The following DUSP2 variants were observed in gnomAD, a reference collection of about 807,000 sequenced individuals.
DUSP2 encodes the protein dual specificity phosphatase 2.
DUSP2 carries 20 observed loss-of-function variants against 23.3 expected under a neutral mutation model. That is an observed-to-expected ratio of 0.86 (90% CI 0.60 to 1.25). The LOEUF is 1.25. Ranked by LOEUF, DUSP2 falls within the 50% of genes most tolerant of loss-of-function variation. DUSP2 has a pLI of 0.00. For missense variants in DUSP2, 435 were observed against 452.6 expected, an observed-to-expected ratio of 0.96 and a Z score of 0.35; for synonymous variants, 231 against 209.7, an observed-to-expected ratio of 1.10 and a Z score of -0.88.
rs1478674718 is a variant in DUSP2 at position 96,145,045 on chromosome 2, C to G, written c.310G>C (p.Asp104His). ...GSASVAELRP[D>H]SPAHVLLAAL... ...GCCAGCAGCACATGAGCCGGGCTGTCGGGCCGGAGCTCCGCCACCGAGGCA... is the reference window on the plus strand; with the variant it reads ...GCCAGCAGCACATGAGCCGGGCTGTGGGGCCGGAGCTCCGCCACCGAGGCA... The change falls in exon 1 of 4, where the codon GAC becomes CAC. Residue 104 changes from aspartate (D) to histidine (H), a missense_variant. Transcript: ENST00000288943. The G allele has an allele frequency of 6.5e-7, 1 of 1,527,678 alleles. No individual in the cohort carries two copies. Among genetic ancestry groups the G allele is most frequent in the Non-Finnish European group, 8.7e-7 (1 of 1,143,300 alleles). 94.6% of individuals were successfully genotyped at this position (1,527,678 alleles called of 1,614,324 possible).
chr2:96,144,954 CCGGCTTG>C lies in DUSP2; in HGVS notation c.388+6_388+12del, dbSNP rs1222144002. The C allele has an allele frequency of 6.5e-7, 1 of 1,546,274 alleles. No individual in the cohort carries two copies. The highest frequency in any genetic ancestry group is 2.0e-5 in the Admixed American group (1 of 50,866). ...GTCGGGTGGGGCGGGCCAAGGGCGG[CCGGCTTG>C]CTCACCTCGCAGGAAGTACACGGCA... On this transcript the variant is annotated splice_donor_region_variant and intron_variant, in intron 1 of 3. Coordinates refer to ENST00000288943, the MANE Select transcript of DUSP2 (RefSeq NM_004418.4).
chr2:96,143,799 G>GC lies in DUSP2; in HGVS notation c.*23dup. Reference sequence around the variant, plus strand: ...AGTCAGCTCCTGCCAGCACAGTGGGGCAGGCAGGCAGAGGGGCACCACCTC... The same window carrying GC: ...AGTCAGCTCCTGCCAGCACAGTGGGGCCAGGCAGGCAGAGGGGCACCACCTC... On this transcript the variant is annotated 3_prime_UTR_variant, in exon 4 of 4. Coordinates refer to ENST00000288943, the MANE Select transcript of DUSP2 (RefSeq NM_004418.4). The GC allele has an allele frequency of 1.9e-6, 3 of 1,609,234 alleles. No homozygotes were observed. Among genetic ancestry groups the GC allele is most frequent in the Non-Finnish European group, 2.5e-6 (3 of 1,178,124 alleles).
Position 96,143,878 on chromosome 2 carries a change from T to A in DUSP2, c.890A>T (p.Asn297Ile). The part of the protein sequence containing the change: ...VKQRRGVISP[N>I]FSFMGQLLQF... ...CAGCAGCTGCCCCATGAAACTGAAGTTGGGGGAGATGACCCCCCGGCGCTG... is the reference window on the plus strand; with the variant it reads ...CAGCAGCTGCCCCATGAAACTGAAGATGGGGGAGATGACCCCCCGGCGCTG... The change falls in exon 4 of 4, where the codon AAC becomes ATC. Residue 297 changes from asparagine to isoleucine, a missense_variant. Coordinates refer to ENST00000288943, the MANE Select transcript of DUSP2 (RefSeq NM_004418.4). 1 of 1,613,610 alleles carries A rather than the reference T, an allele frequency of 6.2e-7. No homozygotes were observed. The highest frequency in any genetic ancestry group is 8.5e-7 in the Non-Finnish European group (1 of 1,180,004).
In DUSP2 at chr2:96,144,515, G is replaced by A. The variant is rs957551028; in HGVS notation, c.511-142C>T. 6 of 827,896 alleles carry A rather than the reference G, an allele frequency of 7.2e-6. No homozygotes were observed. The Admixed American group carries it at 1.4e-4, about 19-fold the overall frequency. 51.3% of individuals were successfully genotyped at this position (827,896 alleles called of 1,614,324 possible). On this transcript the variant is annotated intron_variant, in intron 2 of 3. Transcript: ENST00000288943. ...CTGACCTGAGACAGGTCTCAGGAAT[G>A]TGCGGAGGACACACCGGGACATACA...
At position 96,144,893 on chromosome 2, in the gene DUSP2, G is replaced by A; in HGVS notation, c.389-11C>T. The A allele has an allele frequency of 6.5e-7, 1 of 1,549,246 alleles. No individual in the cohort carries two copies. Among genetic ancestry groups the A allele is most frequent in the Non-Finnish European group, 8.7e-7 (1 of 1,146,056 alleles). ...AGCCGTCGAAGCCTCCTGCAAGGAG[G>A]GGAAGAGCACGATCAGCAGGGAAAG... On this transcript the variant is annotated splice_polypyrimidine_tract_variant and intron_variant, in intron 1 of 3. Transcript: ENST00000288943.
At chr2:96,144,504 GTC>G in intron 2 of DUSP2, 131 bp from the exon 3 acceptor site, 2 of 900,316 alleles carry the variant, frequency 2.2e-6, no homozygotes, top group Non-Finnish European at 3.4e-6. Flanking sequence ...CCTGAGACAG[GTC>G]TCAGGAATGT....
intron 2 of DUSP2, 183 bp from the exon 3 acceptor site, chr2:96,144,556 C>G: frequency 1.4e-6 from 1 of 729,824 alleles, no homozygotes; most frequent in Non-Finnish European, 2.2e-6. Flanking sequence ...CTTCATGCTC[C>G]CAACATACAC....
rs933453282 is a variant in DUSP2 at position 96,145,244 on chromosome 2, G to A, written c.111C>T (p.Ala37=). The A allele has an allele frequency of 4.7e-6, 6 of 1,283,560 alleles. No individual in the cohort carries two copies. Among genetic ancestry groups the A allele is most frequent in the African/African-American group, 1.5e-5 (1 of 64,580 alleles). The allele number at this position is 1,283,560 out of a possible 1,614,324, so 79.5% of individuals were successfully genotyped here. The change falls in exon 1 of 4, where the codon GCC becomes GCT. Residue 37 remains alanine (A), a synonymous_variant. Transcript: ENST00000288943. ...TLLLDCRPFL[A]FCRRHVRAAR... ...CGGCGCGCACGTGGCGCCGGCAGAA[G>A]GCCAGGAAGGGGCGGCAGTCCAGCA...
Position 96,143,485 on chromosome 2 carries a change from T to G in DUSP2, c.*338A>C, listed in dbSNP as rs1682440518. On this transcript the variant is annotated 3_prime_UTR_variant, in exon 4 of 4. Coordinates refer to ENST00000288943, the MANE Select transcript of DUSP2 (RefSeq NM_004418.4). ...TGTCACAGCTTGTTCCTTGGAGCTC[T>G]CAGGCTGCCAAGGGCTTCAACATGG... 3 of 245,556 alleles carry G rather than the reference T, an allele frequency of 1.2e-5. No individual in the cohort carries two copies. 15.2% of individuals were successfully genotyped at this position (245,556 alleles called of 1,614,324 possible). A position where few individuals can be genotyped will look rare whatever the true frequency, so the allele number is the denominator to read the frequency against.
In DUSP2 at chr2:96,145,166, A is replaced by C; in HGVS notation, c.189T>G (p.Pro63=). Reference sequence around the variant, plus strand: ...GCAGCAGGCAGGCGAGAACGGCGGCAGGAGGGCCGCGCGCGCGGCGCCGCA... The same window carrying C: ...GCAGCAGGCAGGCGAGAACGGCGGCCGGAGGGCCGCGCGCGCGGCGCCGCA... ...ALLRRRARGP[P]AAVLACLLPD... Residue 63 remains proline, a synonymous_variant, in exon 1 of 4, where the codon CCT becomes CCG. Transcript: ENST00000288943. The C allele has an allele frequency of 7.7e-7, 1 of 1,298,456 alleles. No individual in the cohort carries two copies. The highest frequency in any genetic ancestry group is 2.3e-5 in the South Asian group (1 of 42,792). 80.4% of individuals were successfully genotyped at this position (1,298,456 alleles called of 1,614,324 possible).
Position 96,144,202 on chromosome 2 carries a change from G to C in DUSP2, c.682C>G (p.Gln228Glu). 6.2e-7 allele frequency: 1 copy of C among 1,614,154 alleles called. No homozygotes were observed. Among genetic ancestry groups the C allele is most frequent in the Non-Finnish European group, 8.5e-7 (1 of 1,180,040 alleles). ...RYKSIPVEDN[Q>E]MVEISAWFQE... Reference sequence around the variant, plus strand: ...AACCAGGCACTGATCTCCACCATCTGGTTGTCCTCCACAGGGATACTCTTG... The same window carrying C: ...AACCAGGCACTGATCTCCACCATCTCGTTGTCCTCCACAGGGATACTCTTG... Residue 228 changes from glutamine to glutamate, a missense_variant, in exon 3 of 4, where the codon CAG becomes GAG. Gln to Glu is a conservative substitution (Grantham distance 29, BLOSUM62 2). Coordinates refer to ENST00000288943, the MANE Select transcript of DUSP2 (RefSeq NM_004418.4).
At chr2:96,144,598 C>T (rs1682468553) in intron 2 of DUSP2, 163 bp downstream of exon 2, 1 of 758,162 alleles carries the variant, frequency 1.3e-6, no homozygotes, top group Non-Finnish European at 2.1e-6. Flanking sequence ...TACAGGCACG[C>T]GCGAGCAGCC....
chr2:96,144,029 T>C lies in DUSP2; in HGVS notation c.739A>G (p.Lys247Glu), dbSNP rs535465705. Residue 247 changes from lysine to glutamate, a missense_variant, in exon 4 of 4, where the codon AAG becomes GAG. Coordinates refer to ENST00000288943, the MANE Select transcript of DUSP2 (RefSeq NM_004418.4). ...ACCAGCACCCGGCCTCCGCTGTTCT[T>C]CACCCAGTCTGCAAGGGAGATGGGG... Reference protein sequence around the residue: ...QEAIGFIDWVKNSGGRVLVHC... With the variant: ...QEAIGFIDWVENSGGRVLVHC... 6.2e-7 allele frequency: 1 copy of C among 1,613,746 alleles called. No individual in the cohort carries two copies. Among genetic ancestry groups the C allele is most frequent in the African/African-American group, 1.3e-5 (1 of 75,064 alleles).
chr2:96,144,705 C>T lies in DUSP2; in HGVS notation c.510+56G>A. 7 of 1,449,864 alleles carry T rather than the reference C, an allele frequency of 4.8e-6. 1 individual carries two copies. The highest frequency in any genetic ancestry group is 4.1e-5 in the South Asian group (3 of 73,030). 89.8% of individuals were successfully genotyped at this position (1,449,864 alleles called of 1,614,324 possible). ...AAATGGCAGGCTCTTTCCCTAGAGGCGCCCAGTCCGCGGCGGGGAGAGAGG... is the reference window on the plus strand; with the variant it reads ...AAATGGCAGGCTCTTTCCCTAGAGGTGCCCAGTCCGCGGCGGGGAGAGAGG... On this transcript the variant is annotated intron_variant, in intron 2 of 3. Transcript: ENST00000288943.
rs1682455940 is a variant in DUSP2, at chr2:96,144,147, C to T, written c.730+7G>A. 6.2e-7 allele frequency: 1 copy of T among 1,613,830 alleles called. No individual in the cohort carries two copies. The highest frequency in any genetic ancestry group is 8.5e-7 in the Non-Finnish European group (1 of 1,179,984). On this transcript the variant is annotated splice_region_variant and intron_variant, in intron 3 of 3. Coordinates refer to ENST00000288943, the MANE Select transcript of DUSP2 (RefSeq NM_004418.4). ...CTCGGGATTTCTGGGCAGAGGTGCC[C>T]CCTTACCAATGAAGCCTATGGCCTC...
chr2:96,144,974 G>T lies in DUSP2; in HGVS notation c.381C>A (p.Phe127Leu), dbSNP rs1161316315. 1 of 1,545,872 alleles carries T rather than the reference G, an allele frequency of 6.5e-7. No homozygotes were observed. The highest frequency in any genetic ancestry group is 2.4e-5 in the East Asian group (1 of 41,666). Reference sequence around the variant, plus strand: ...GGCGGCCGGCTTGCTCACCTCGCAGGAAGTACACGGCAGTGGGCCCCGCGC... The same window carrying T: ...GGCGGCCGGCTTGCTCACCTCGCAGTAAGTACACGGCAGTGGGCCCCGCGC... ...ETRAGPTAVY[F>L]LRGGFDGFQG... Residue 127 changes from phenylalanine to leucine, a missense_variant, in exon 1 of 4, where the codon TTC becomes TTA. By Grantham distance (22) the Phe-to-Leu change is conservative. Transcript: ENST00000288943.
chr2:96,144,572 A>G, intron 2 of DUSP2, 189 bp downstream of exon 2: 1 of 718,900 alleles, frequency 1.4e-6, no homozygotes, highest in Middle Eastern at 3.8e-4. Context: ...TACACATGCA[A>G]ACATACACAG....
chr2:96,144,482 C>G, intron 2 of DUSP2, 109 bp from the exon 3 acceptor site: 1 of 1,084,142 alleles, frequency 9.2e-7, no homozygotes, highest in South Asian at 1.5e-5. Flanking sequence ...ACTCCTCAGC[C>G]AGTCCTCCTG....
Position 96,143,763 on chromosome 2 carries a change from CACCAGTCCA to C in DUSP2, c.*51_*59del. On this transcript the variant is annotated 3_prime_UTR_variant, in exon 4 of 4. Coordinates refer to ENST00000288943, the MANE Select transcript of DUSP2 (RefSeq NM_004418.4). The stretch of plus-strand genomic sequence containing the variant: ...GACTGTGCTGGCCCAGAGGGGAGCC[CACCAGTCCA>C]CAGTCAGCTCCTGCCAGCACAGTGG... 5 of 1,585,338 alleles carry C rather than the reference CACCAGTCCA, an allele frequency of 3.2e-6. No individual in the cohort carries two copies. The South Asian group carries it at 4.5e-5, about 14-fold the overall frequency.
Sources: gnomAD v4.1 joint callset for allele counts on GRCh38, gnomAD v4.1.1 for gene constraint, MANE v1.5 for transcripts, NCBI Gene and HGNC (gene_info 2026-07-23, HGNC 2026-07-21) for gene names.